EDIL3: variants seen among roughly 807,000 people sequenced by gnomAD.
The protein encoded by EDIL3 is EGF-like repeat and discoidin I-like domain-containing protein 3.
EDIL3 carries 37 observed loss-of-function variants against 67.4 expected under a neutral mutation model. That is an observed-to-expected ratio of 0.55 (90% CI 0.42 to 0.72). EDIL3 has a LOEUF of 0.72. Ranked by LOEUF, EDIL3 falls within the 30% of genes least tolerant of loss-of-function variation. The pLI is 0.00. For synonymous variants in EDIL3, 195 were observed against 196.3 expected (o/e 0.99, Z 0.05); for missense variants, 527 against 586.3 (o/e 0.90, Z 1.04).
chr5:84,108,486 T>A (rs903618032), intron 5 of EDIL3, among the ~76,000 whole-genome samples: 1 of 152,144 alleles, frequency 6.6e-6, no homozygotes, highest in African/African-American at 2.4e-5. Context: ...CACTTTAGAA[T>A]CATTAAATTA....
At chr5:84,209,583 A>G (rs989780170) in intron 3 of EDIL3, among the ~76,000 whole-genome samples, 1 of 152,072 alleles carries the variant, frequency 6.6e-6, no homozygotes, top group African/African-American at 2.4e-5. Context: ...TGTACAGTAC[A>G]CTATGCCTAT....
intron 1 of EDIL3, among the ~76,000 whole-genome samples, chr5:84,346,848 TGTCCAAC>T (rs1337293877): frequency 6.6e-6 from 1 of 152,196 alleles, no homozygotes; most frequent in African/African-American, 2.4e-5. Flanking sequence ...TATATGAGAA[TGTCCAAC>T]ACAGAACCAA....
At chr5:84,321,752 C>A (rs1354263988) in intron 1 of EDIL3, among the ~76,000 whole-genome samples, 1 of 152,086 alleles carries the variant, frequency 6.6e-6, no homozygotes, top group Non-Finnish European at 1.5e-5. Context: ...TGATGGGCAG[C>A]CATTTTGTTG....
At chr5:84,096,539 C>T (rs1747267386) in intron 6 of EDIL3, among the ~76,000 whole-genome samples, 2 of 152,138 alleles carry the variant, frequency 1.3e-5, no homozygotes, top group South Asian at 4.1e-4. Flanking sequence ...TAACTAATGC[C>T]TGTATCACCA....
chr5:83,947,509 G>C (rs1744334879), intron 10 of EDIL3, among the ~76,000 whole-genome samples: 1 of 151,616 alleles, frequency 6.6e-6, no homozygotes, highest in African/African-American at 2.4e-5. Context: ...AATAAGAACA[G>C]TCTTTGGTAG....
chr5:84,060,119 G>A (rs921440768), intron 9 of EDIL3, among the ~76,000 whole-genome samples, 181 bp downstream of exon 9: 12 of 151,704 alleles, frequency 7.9e-5, no homozygotes, highest in African/African-American at 2.7e-4. Context: ...CAACACCAGC[G>A]TAAAAATAGC....
At chr5:84,257,989 T>C (rs188517160) in intron 1 of EDIL3, among the ~76,000 whole-genome samples, 141 of 152,356 alleles carry the variant, frequency 9.3e-4, no homozygotes, top group African/African-American at 3.3e-3. Flanking sequence ...TGGTCTACCA[T>C]GTCAAAGTCT....
intron 1 of EDIL3, among the ~76,000 whole-genome samples, chr5:84,327,452 T>C (rs1217963064): frequency 6.6e-6 from 1 of 151,996 alleles, no homozygotes; most frequent in Non-Finnish European, 1.5e-5. Context: ...TTTTGGTTTG[T>C]TCAAAGAGAT....
intron 9 of EDIL3, among the ~76,000 whole-genome samples, chr5:83,991,483 A>T (rs891845613): frequency 6.6e-6 from 1 of 152,206 alleles, no homozygotes; most frequent in South Asian, 2.1e-4. Context: ...CACACCTCTT[A>T]CTTTCTCACT....
intron 1 of EDIL3, among the ~76,000 whole-genome samples, chr5:84,296,513 A>G (rs1334030655): frequency 6.6e-6 from 1 of 151,886 alleles, no homozygotes; most frequent in Non-Finnish European, 1.5e-5. Flanking sequence ...TCATTTTGAG[A>G]AAATATGTTT....
intron 3 of EDIL3, among the ~76,000 whole-genome samples, chr5:84,191,583 G>A (rs1263695008): frequency 1.3e-5 from 2 of 151,880 alleles, no homozygotes; most frequent in Non-Finnish European, 2.9e-5. Context: ...GTGATAATTT[G>A]GTCTTGTAGA....
chr5:84,002,111 C>A (rs999368245), intron 9 of EDIL3, among the ~76,000 whole-genome samples: 2 of 152,008 alleles, frequency 1.3e-5, no homozygotes, highest in Non-Finnish European at 2.9e-5. Flanking sequence ...CCCAAGAATG[C>A]AAGGATGGTT....
intron 1 of EDIL3, among the ~76,000 whole-genome samples, chr5:84,372,829 T>C (rs920996338): frequency 4.6e-5 from 7 of 152,182 alleles, no homozygotes; most frequent in African/African-American, 1.7e-4. Context: ...TTAAAAGCAT[T>C]GATCTTAATG....
At chr5:84,225,219 A>G (rs1167664790) in intron 3 of EDIL3, among the ~76,000 whole-genome samples, 1 of 151,638 alleles carries the variant, frequency 6.6e-6, no homozygotes, top group Non-Finnish European at 1.5e-5. Flanking sequence ...CCAATCAATA[A>G]GGGGATGCAT....
intron 4 of EDIL3, among the ~76,000 whole-genome samples, chr5:84,157,557 T>G (rs1748515741): frequency 6.6e-6 from 1 of 152,078 alleles, no homozygotes; most frequent in Admixed American, 6.6e-5. Context: ...ATTATCTCAT[T>G]CTGCATAGTC....
chr5:84,369,442 T>C (rs941724310), intron 1 of EDIL3, among the ~76,000 whole-genome samples: 1 of 152,032 alleles, frequency 6.6e-6, no homozygotes, highest in South Asian at 2.1e-4. Context: ...ACAAAACAAA[T>C]GAACCTTGAA....
chr5:84,218,958 G>T (rs766893279), intron 3 of EDIL3, among the ~76,000 whole-genome samples: 2 of 152,202 alleles, frequency 1.3e-5, no homozygotes, highest in Non-Finnish European at 2.9e-5. Context: ...ACACAAGCCT[G>T]GCTGGCTTTG....
chr5:84,000,919 A>G (rs1033859759), intron 9 of EDIL3, among the ~76,000 whole-genome samples: 2 of 151,916 alleles, frequency 1.3e-5, no homozygotes, highest in Middle Eastern at 3.2e-3. Flanking sequence ...TAAAATTTAA[A>G]AATTTTTTGA....
intron 3 of EDIL3, among the ~76,000 whole-genome samples, chr5:84,186,099 AT>A (rs1743432353): frequency 6.6e-6 from 1 of 152,108 alleles, no homozygotes; most frequent in Admixed American, 6.6e-5. Context: ...CCAAGTGATA[AT>A]AAGCAGGCTA....
Sources: allele counts gnomAD v4.1 joint callset (sites outside exome capture counted in the v4.1 genomes callset), GRCh38; gene constraint gnomAD v4.1.1; transcripts MANE v1.5; gene names NCBI Gene and HGNC (gene_info 2026-07-23, HGNC 2026-07-21).